ARMC10: variants seen among roughly 807,000 people sequenced by gnomAD.
ARMC10 encodes armadillo repeat containing 10.
Under a neutral mutation model 30.2 loss-of-function variants are expected in ARMC10, and 23 were observed. The ratio of observed to expected loss-of-function variants is 0.76; its 90% CI spans 0.55 to 1.08. The LOEUF is 1.08. ARMC10 is among the 50% of genes least tolerant of loss of function. The probability of loss-of-function intolerance (pLI) is 0.00; values close to 1 mark genes in which losing one functional copy is unlikely to be tolerated. For missense variants in ARMC10, 303 were observed against 413.7 expected, an observed-to-expected ratio of 0.73 and a Z score of 2.32; for synonymous variants, 111 against 164.4, an observed-to-expected ratio of 0.68 and a Z score of 2.48.
intron 5 of ARMC10, among the ~76,000 whole-genome samples, chr7:103,093,860 T>G (rs1801552370): frequency 1.3e-5 from 2 of 152,224 alleles, no homozygotes; most frequent in African/African-American, 4.8e-5. Context: ...TCATATATTT[T>G]TTGACTTTTT....
At chr7:103,094,551 A>G (rs1801612795) in intron 5 of ARMC10, among the ~76,000 whole-genome samples, 2 of 152,282 alleles carry the variant, frequency 1.3e-5, no homozygotes, top group South Asian at 4.1e-4. Context: ...TGGGTCTTAG[A>G]TTTTGACTTC....
chr7:103,096,109 C>T lies in ARMC10; in HGVS notation c.706-1168C>T, dbSNP rs191847080. On this transcript the variant is annotated intron_variant, in intron 5 of 6. Coordinates refer to ENST00000323716, the MANE Select transcript of ARMC10 (RefSeq NM_031905.5). ...AATTAATAAATTAAAAAGAGGCATT[C>T]TATTTGAGTCTTGTTATTACTGACT... 828 of 152,264 alleles carry T rather than the reference C, an allele frequency of 5.4e-3. 6 individuals carry two copies. Among genetic ancestry groups the T allele is most frequent in the African/African-American group, 0.019 (778 of 41,546 alleles). The allele number at this position is 152,264 out of a possible 1,614,324, so 9.4% of individuals were successfully genotyped here.
intron 2 of ARMC10, among the ~76,000 whole-genome samples, chr7:103,080,205 T>TA (rs1480607603): frequency 1.3e-5 from 2 of 152,342 alleles, no homozygotes; most frequent in East Asian, 3.9e-4. Flanking sequence ...GTAAAATTTT[T>TA]AGAGTTTTAA....
chr7:103,087,874 A>ACATAGAATTTT, intron 4 of ARMC10: 3 of 738,156 alleles, frequency 4.1e-6, no homozygotes, highest in Non-Finnish European at 5.0e-6. Flanking sequence ...ACAGATTACT[A>ACATAGAATTTT]TGCTATGAAG....
At chr7:103,082,855 T>C (rs932916745) in intron 2 of ARMC10, among the ~76,000 whole-genome samples, 2 of 152,218 alleles carry the variant, frequency 1.3e-5, no homozygotes, top group African/African-American at 4.8e-5. Context: ...TTGGCTATCC[T>C]AGCTCTTCTT....
intron 4 of ARMC10, among the ~76,000 whole-genome samples, chr7:103,091,728 A>G (rs1801353085): frequency 6.6e-6 from 1 of 152,214 alleles, no homozygotes; most frequent in African/African-American, 2.4e-5. Flanking sequence ...CGCAGACCGC[A>G]GACCAGTTGA....
At chr7:103,083,337 A>G (rs560569807) in intron 2 of ARMC10, among the ~76,000 whole-genome samples, 1 of 152,346 alleles carries the variant, frequency 6.6e-6, no homozygotes, top group African/African-American at 2.4e-5. Flanking sequence ...TTAAAAAAAC[A>G]GGCTGGGCAC....
At chr7:103,082,365 A>G (rs1800456956) in intron 2 of ARMC10, among the ~76,000 whole-genome samples, 1 of 150,606 alleles carries the variant, frequency 6.6e-6, no homozygotes, top group Admixed American at 6.6e-5. Context: ...TGAGCAATAT[A>G]CTTAGTTATT....
At chr7:103,093,776 G>C (rs1454947708) in intron 5 of ARMC10, among the ~76,000 whole-genome samples, 1 of 152,188 alleles carries the variant, frequency 6.6e-6, no homozygotes, top group Non-Finnish European at 1.5e-5. Flanking sequence ...TCTGAGTCCA[G>C]AGCCAGGCTG....
intron 2 of ARMC10, chr7:103,083,183 C>A: frequency 2.4e-5 from 11 of 455,880 alleles, no homozygotes; most frequent in South Asian, 1.7e-4. Context: ...TGCCAGGTGA[C>A]CATTGACTAA....
chr7:103,075,800 G>A lies in ARMC10; in HGVS notation c.163G>A (p.Glu55Lys), dbSNP rs984124103. Residue 55 changes from glutamate to lysine, a missense_variant, in exon 2 of 7, where the codon GAG becomes AAG. By Grantham distance (56) the Glu-to-Lys change is moderately conservative. This residue lies in a region of ARMC10 where 96 missense variants were observed against 84.2 expected (regional missense o/e 1.14). Transcript: ENST00000323716. Reference protein sequence around the residue: ...SAGALEEGTSEGQLCGRSARP... With the variant: ...SAGALEEGTSKGQLCGRSARP... Reference sequence around the variant, plus strand: ...AGGTGCCCTGGAAGAAGGGACGTCAGAGGGTCAGTTGTGCGGGCGCTCGGC... The same window carrying A: ...AGGTGCCCTGGAAGAAGGGACGTCAAAGGGTCAGTTGTGCGGGCGCTCGGC... 1.9e-6 allele frequency: 3 copies of A among 1,610,392 alleles called. No individual in the cohort carries two copies. The highest frequency in any genetic ancestry group is 1.3e-5 in the African/African-American group (1 of 74,888).
At chr7:103,075,702 G>A in intron 1 of ARMC10, 75 bp from the exon 2 acceptor site, 1 of 1,139,614 alleles carries the variant, frequency 8.8e-7, no homozygotes, top group African/African-American at 1.6e-5. Context: ...GGGCCTTTGT[G>A]TAACTAAAGG....
chr7:103,081,792 ATGCATGTG>A (rs1337142622), intron 2 of ARMC10: 3 of 439,250 alleles, frequency 6.8e-6, no homozygotes, highest in Non-Finnish European at 9.1e-6. Context: ...ACGTGTATGT[ATGCATGTG>A]TATATGAAAT....
chr7:103,077,869 G>A (rs1038027766), intron 2 of ARMC10, among the ~76,000 whole-genome samples: 9 of 152,136 alleles, frequency 5.9e-5, no homozygotes, highest in Admixed American at 5.9e-4. Context: ...CTTAGGTAAG[G>A]CAGCTTAAAA....
chr7:103,093,764 ACT>A (rs1374818495), intron 5 of ARMC10, among the ~76,000 whole-genome samples: 1 of 152,092 alleles, frequency 6.6e-6, no homozygotes, highest in African/African-American at 2.4e-5. Context: ...CTCAGGAGGA[ACT>A]CTGAGTCCAG....
At chr7:103,091,694 AT>A (rs1563327920) in intron 4 of ARMC10, among the ~76,000 whole-genome samples, 59 of 151,988 alleles carry the variant, frequency 3.9e-4, no homozygotes, top group African/African-American at 1.4e-3. Flanking sequence ...ATGGCCTCAC[AT>A]CTTCTTCCCT....
intron 2 of ARMC10, among the ~76,000 whole-genome samples, chr7:103,079,329 G>T (rs780028529): frequency 1.3e-5 from 2 of 151,194 alleles, no homozygotes; most frequent in African/African-American, 2.4e-5. Context: ...CTGAAGCTCG[G>T]GGAAAAAAAA....
chr7:103,092,428 G>C, intron 4 of ARMC10, 49 bp from the exon 5 acceptor site: 1 of 1,459,224 alleles, frequency 6.9e-7, no homozygotes, highest in Non-Finnish European at 9.3e-7. Flanking sequence ...CTGTTCAGTA[G>C]AAAAATTTTG....
At chr7:103,086,204 C>T (rs936704186) in intron 3 of ARMC10, among the ~76,000 whole-genome samples, 6 of 152,172 alleles carry the variant, frequency 3.9e-5, no homozygotes, top group Admixed American at 6.5e-5. Flanking sequence ...TCAAATAATA[C>T]GTGTTAGCAA....
Sources: gnomAD v4.1 joint callset for allele counts (sites outside exome capture counted in the v4.1 genomes callset) on GRCh38, gnomAD v4.1.1 for gene constraint, gnomAD v4.1.1 regional missense constraint, MANE v1.5 for transcripts, NCBI Gene and HGNC (gene_info 2026-07-23, HGNC 2026-07-21) for gene names.